Variants in LASP1 observed in about 807,000 individuals in gnomAD.
The protein encoded by LASP1 is LIM and SH3 domain protein 1.
In LASP1, 10 loss-of-function variants were observed where a neutral mutation model predicts 38.6. The ratio of observed to expected loss-of-function variants is 0.26; its 90% CI spans 0.16 to 0.44. The LOEUF is 0.44. Among genes scored for constraint, LASP1 ranks in the 20% least tolerant of loss-of-function variants. The pLI is 1.00. For synonymous variants in LASP1, 132 were observed against 140.8 expected, an observed-to-expected ratio of 0.94 and a Z score of 0.44; for missense variants, 243 against 375.7, an observed-to-expected ratio of 0.65 and a Z score of 2.92.
At chr17:38,877,101 AC>A in intron 1 of LASP1, among the ~76,000 whole-genome samples, 1 of 151,390 alleles carries the variant, frequency 6.6e-6, no homozygotes, top group Admixed American at 6.6e-5. Context: ...GTGAGCCCTG[AC>A]CCCCTCGGCT....
In LASP1 at chr17:38,919,935, G is replaced by T. The variant is rs909749708; in HGVS notation, c.*1157G>T. On this transcript the variant is annotated 3_prime_UTR_variant, in exon 7 of 7. Transcript: ENST00000318008. ...GTAGGTGTCTCTGGGCCTGTGTGTG[G>T]GTGGGGTTATGTGAGGGTATGAAGA... The T allele has an allele frequency of 1.7e-5, 9 of 532,516 alleles. No homozygotes were observed. Among genetic ancestry groups the T allele is most frequent in the East Asian group, 3.9e-5 (1 of 25,786 alleles). The allele number at this position is 532,516 out of a possible 1,614,324, so 33.0% of individuals were successfully genotyped here.
chr17:38,912,440 G>T (rs554197075), intron 4 of LASP1, among the ~76,000 whole-genome samples: 1 of 152,050 alleles, frequency 6.6e-6, no homozygotes, highest in East Asian at 1.9e-4. Context: ...GGTGCCACAG[G>T]GTCAGGGTAG....
chr17:38,903,131 C>T (rs780281536), intron 4 of LASP1, among the ~76,000 whole-genome samples: 7 of 152,152 alleles, frequency 4.6e-5, no homozygotes, highest in Non-Finnish European at 1.0e-4. Flanking sequence ...CTGATCTCCT[C>T]TGGGGTGTCT....
Position 38,875,071 on chromosome 17 carries a change from G to GTGTGTGTGTGTGTGTA in LASP1, c.70-3000_70-2999insATGTGTGTGTGTGTGT, listed in dbSNP as rs1555553207. Among the ~76,000 whole-genome samples, 19 of 135,884 alleles carry GTGTGTGTGTGTGTGTA rather than the reference G, an allele frequency of 1.4e-4. No homozygotes were observed. The South Asian group carries it at 2.6e-3, about 19-fold the overall frequency. 89.1% of individuals were successfully genotyped at this position (135,884 alleles called of 152,430 possible). A position where few individuals can be genotyped will look rare whatever the true frequency, so the allele number is the denominator to read the frequency against. The stretch of plus-strand genomic sequence containing the variant: ...TGTAGCCCTTCGTGTGTGTGTGTGT[G>GTGTGTGTGTGTGTGTA]TGTGTGTGTGTGTGTGTGAGAAAGT... On this transcript the variant is annotated intron_variant, in intron 1 of 6. Coordinates refer to ENST00000318008, the MANE Select transcript of LASP1 (RefSeq NM_006148.4).
At chr17:38,885,475 C>T (rs1169118565) in intron 2 of LASP1, among the ~76,000 whole-genome samples, 1 of 152,204 alleles carries the variant, frequency 6.6e-6, no homozygotes, top group African/African-American at 2.4e-5. Context: ...TCCTACATGC[C>T]TCTCCCTGCA....
Position 38,915,052 on chromosome 17 carries a change from A to C in LASP1, c.518A>C (p.Gln173Pro). ...TCCTCCCATCTTCCAGTTTACCAGC[A>C]GCCCCAGCAGCAGCCGGTGGCCCAG... The part of the protein sequence containing the change: ...HIPTSAPVYQ[Q>P]PQQQPVAQSY... The change falls in exon 6 of 7, where the codon CAG (glutamine) becomes CCG (proline). Residue 173 changes from glutamine to proline, a missense_variant. This residue lies in a region of LASP1 where 165 missense variants were observed against 210.3 expected (regional missense o/e 0.78). Transcript: ENST00000318008. 6.2e-7 allele frequency: 1 copy of C among 1,613,886 alleles called. No individual in the cohort carries two copies.
At chr17:38,896,663 G>A (rs1231298761) in intron 3 of LASP1, among the ~76,000 whole-genome samples, 3 of 152,242 alleles carry the variant, frequency 2.0e-5, no homozygotes, top group Admixed American at 2.0e-4. Context: ...GCCCTCCACA[G>A]TGCGCTGCTG....
At chr17:38,889,476 C>T (rs1157706128) in intron 2 of LASP1, among the ~76,000 whole-genome samples, 1 of 152,130 alleles carries the variant, frequency 6.6e-6, no homozygotes, top group Non-Finnish European at 1.5e-5. Context: ...ATCCAAAAAT[C>T]CAGAGTCTGA....
chr17:38,914,390 A>C lies in LASP1; in HGVS notation c.423A>C (p.Pro141=), dbSNP rs1360817939. ...MGPSGGEGME[P]ERRDSQDGSS... ...CTAGCGGGGGCGAGGGCATGGAGCC[A>C]GAGCGTCGGGATTCACAGGACGGCA... Residue 141 remains proline, a synonymous_variant, in exon 5 of 7, where the codon CCA becomes CCC. Coordinates refer to ENST00000318008, the MANE Select transcript of LASP1 (RefSeq NM_006148.4). 5.6e-6 allele frequency: 9 copies of C among 1,612,276 alleles called. No individual in the cohort carries two copies. The highest frequency in any genetic ancestry group is 7.6e-6 in the Non-Finnish European group (9 of 1,179,984).
rs763764048 is a variant in LASP1 at position 38,918,828 on chromosome 17, G to A, written c.*50G>A. On this transcript the variant is annotated 3_prime_UTR_variant, in exon 7 of 7. Coordinates refer to ENST00000318008, the MANE Select transcript of LASP1 (RefSeq NM_006148.4). The surrounding 1 kb of genome is among the most constrained non-coding windows in gnomAD (Gnocchi z 4.4). Reference sequence around the variant, plus strand: ...CAGCACATTCCACGGCATCGCATCCGTCCTGGGCGTGACCCGTCCATTCTT... The same window carrying A: ...CAGCACATTCCACGGCATCGCATCCATCCTGGGCGTGACCCGTCCATTCTT... 1.0e-5 allele frequency: 16 copies of A among 1,590,926 alleles called. No homozygotes were observed. Among genetic ancestry groups the A allele is most frequent in the African/African-American group, 5.4e-5 (4 of 74,588 alleles).
chr17:38,886,280 AGGGCTGG>A (rs942445399), intron 2 of LASP1, among the ~76,000 whole-genome samples: 1 of 150,610 alleles, frequency 6.6e-6, no homozygotes, highest in Non-Finnish European at 1.5e-5. Flanking sequence ...TCGTCTCGCC[AGGGCTGG>A]GGGCTGGGGA....
At chr17:38,890,316 C>G in intron 2 of LASP1, 104 bp from the exon 3 acceptor site, 2 of 1,071,074 alleles carry the variant, frequency 1.9e-6, no homozygotes, top group Non-Finnish European at 2.8e-6. Flanking sequence ...CAGGGCGTGC[C>G]CAAGCATAGG....
In LASP1 at chr17:38,919,602, G is replaced by A. The variant is rs535959856; in HGVS notation, c.*824G>A. On this transcript the variant is annotated 3_prime_UTR_variant, in exon 7 of 7. Coordinates refer to ENST00000318008, the MANE Select transcript of LASP1 (RefSeq NM_006148.4). ...CCAGGGACCCTTGCCTGCCTCCTAG[G>A]CTGGAAGCCATGGTCCCGAAGTGTA... The A allele has an allele frequency of 4.1e-5, 11 of 266,626 alleles. No homozygotes were observed. The South Asian group carries it at 1.0e-3, about 25-fold the overall frequency. 16.5% of individuals were successfully genotyped at this position (266,626 alleles called of 1,614,324 possible).
At chr17:38,892,303 G>C (rs764972098) in intron 3 of LASP1, among the ~76,000 whole-genome samples, 1 of 152,180 alleles carries the variant, frequency 6.6e-6, no homozygotes, top group Non-Finnish European at 1.5e-5. Context: ...CCCTGGTAGG[G>C]CCTGAGGCTC....
chr17:38,888,998 G>A (rs1002915739), intron 2 of LASP1, among the ~76,000 whole-genome samples: 2 of 152,206 alleles, frequency 1.3e-5, no homozygotes, highest in African/African-American at 4.8e-5. Context: ...TAACCTCTCT[G>A]GCCTCAGTTC....
intron 3 of LASP1, among the ~76,000 whole-genome samples, chr17:38,896,477 G>T (rs1430973748): frequency 6.6e-6 from 1 of 152,326 alleles, no homozygotes; most frequent in South Asian, 2.1e-4. Flanking sequence ...CCAACAGGGA[G>T]GGGGAGGCAG....
chr17:38,914,002 GA>G lies in LASP1; in HGVS notation c.358-308del, dbSNP rs34463489. On this transcript the variant is annotated intron_variant, in intron 4 of 6. Transcript: ENST00000318008. ...GGGCGACAGAGCCAAACTCCGTCTC[GA>G]AAAAAAAAAAAAAAGAAAAGGGACC... Among the ~76,000 whole-genome samples the G allele has an allele frequency of 6.0e-3, 714 of 119,514 alleles. 1 individual carries two copies. The highest frequency in any genetic ancestry group is 0.053 in the Middle Eastern group (11 of 208). 78.4% of individuals were successfully genotyped at this position (119,514 alleles called of 152,430 possible).
At chr17:38,878,235 T>C in intron 2 of LASP1, 55 bp downstream of exon 2, 1 of 1,176,562 alleles carries the variant, frequency 8.5e-7, no homozygotes. Context: ...CCTCCCCGAG[T>C]GAGTTCTTCC....
At chr17:38,887,493 G>A (rs1329510991) in intron 2 of LASP1, among the ~76,000 whole-genome samples, 2 of 152,174 alleles carry the variant, frequency 1.3e-5, no homozygotes, top group Non-Finnish European at 2.9e-5. Flanking sequence ...GCACGGGGAC[G>A]ACCCCAGACT....
Sources: allele counts gnomAD v4.1 joint callset (sites outside exome capture counted in the v4.1 genomes callset), GRCh38; gene constraint gnomAD v4.1.1; regional missense constraint gnomAD v4.1.1; non-coding constraint Gnocchi (gnomAD v3.1); transcripts MANE v1.5; gene names NCBI Gene and HGNC (gene_info 2026-07-23, HGNC 2026-07-21).